The following DCAKD variants were observed in gnomAD, a reference collection of about 807,000 sequenced individuals.
DCAKD encodes the protein dephospho-CoA kinase domain-containing protein.
In DCAKD, 15 loss-of-function variants were observed where a neutral mutation model predicts 18.7. The ratio of observed to expected loss-of-function variants is 0.80; its 90% CI spans 0.54 to 1.24. The LOEUF (loss-of-function observed/expected upper bound fraction) is 1.24, where lower values mean the gene tolerates loss of function less well. Among genes scored for constraint, DCAKD ranks in the 50% most tolerant of loss-of-function variants. The probability of loss-of-function intolerance (pLI) is 0.00; values close to 1 mark genes in which losing one functional copy is unlikely to be tolerated. For synonymous variants in DCAKD, 130 were observed against 133.0 expected, an observed-to-expected ratio of 0.98 and a Z score of 0.16; for missense variants, 301 against 322.0, an observed-to-expected ratio of 0.93 and a Z score of 0.50.
intron 1 of DCAKD, among the ~76,000 whole-genome samples, chr17:45,046,748 C>A (rs2053580266): frequency 6.6e-6 from 1 of 151,832 alleles, no homozygotes; most frequent in Non-Finnish European, 1.5e-5. Flanking sequence ...AGAGTTTCAG[C>A]GTCATAAATT....
chr17:45,032,751 C>G (rs1463991562), intron 3 of DCAKD, among the ~76,000 whole-genome samples: 1 of 123,416 alleles, frequency 8.1e-6, no homozygotes, highest in Admixed American at 7.7e-5. Flanking sequence ...CCACTGCACT[C>G]CAGCCTGGTG....
At chr17:45,043,971 A>C (rs2053502718) in intron 1 of DCAKD, among the ~76,000 whole-genome samples, 1 of 152,110 alleles carries the variant, frequency 6.6e-6, no homozygotes, top group Admixed American at 6.6e-5. Context: ...TCGCTGCGGA[A>C]GCCCTGCAGC....
chr17:45,026,612 C>T (rs2053061752), intron 4 of DCAKD: 1 of 985,278 alleles, frequency 1.0e-6, no homozygotes, highest in Admixed American at 6.2e-5. Context: ...ATCCTCCCAC[C>T]TTGGCAGTTT....
chr17:45,054,662 T>C (rs1019163348), upstream of DCAKD, among the ~76,000 whole-genome samples: 4 of 152,180 alleles, frequency 2.6e-5, no homozygotes, highest in Non-Finnish European at 5.9e-5. Context: ...TTCTATTTTA[T>C]AGAGCCAGAT....
At chr17:45,060,989 C>T in exon 1 of DCAKD, 3 of 1,054,028 alleles carry the variant, frequency 2.8e-6, no homozygotes, top group African/African-American at 1.7e-5. Flanking sequence ...TTGGAACCTC[C>T]ACGCCTGAAA....
chr17:45,060,684 T>TTA (rs1477493267), intron 1 of DCAKD, among the ~76,000 whole-genome samples: 1 of 152,184 alleles, frequency 6.6e-6, no homozygotes, highest in East Asian at 1.9e-4. Context: ...GTCTCCTGGC[T>TTA]TAGGGTCAGT....
chr17:45,039,281 C>T (rs886762277), intron 1 of DCAKD, among the ~76,000 whole-genome samples: 5 of 152,210 alleles, frequency 3.3e-5, no homozygotes, highest in Non-Finnish European at 5.9e-5. Context: ...CACCTTTGAT[C>T]ACCTGTGTTC....
chr17:45,054,175 C>T (rs2053756041), upstream of DCAKD: 2 of 517,518 alleles, frequency 3.9e-6, no homozygotes, highest in Non-Finnish European at 7.7e-6. Context: ...ATTTGAATCT[C>T]TTCCACATTA....
rs1273506892 is a variant in DCAKD, at chr17:45,050,277, C to T, written c.-115+1084G>A. Among the ~76,000 whole-genome samples the T allele has an allele frequency of 2.6e-5, 4 of 151,944 alleles. 1 individual carries two copies. The highest frequency in any genetic ancestry group is 9.7e-5 in the African/African-American group (4 of 41,318). ...CAGGCTGGTCTCGAACTCCTAACCT[C>T]GGGTGATCCACCCTCCTCAACCTAC... On this transcript the variant is annotated intron_variant, in intron 1 of 4. Transcript: ENST00000651974.
chr17:45,031,061 G>A (rs1453566599), intron 3 of DCAKD: 1 of 985,316 alleles, frequency 1.0e-6, no homozygotes, highest in Non-Finnish European at 1.2e-6. Context: ...AGAAGGGTAA[G>A]AGATAGGAAA....
intron 1 of DCAKD, among the ~76,000 whole-genome samples, chr17:45,044,689 CAATAAATAAATAAATAAATA>C (rs143312640): frequency 0.21 from 30,508 of 147,120 alleles, 3,516 homozygotes; most frequent in Admixed American, 0.3. Flanking sequence ...GAGACTCCAT[CAATAAATAAATAAATAAATA>C]AATAAATAAA....
At chr17:45,059,825 G>A (rs2053828691) in intron 1 of DCAKD, among the ~76,000 whole-genome samples, 1 of 152,130 alleles carries the variant, frequency 6.6e-6, no homozygotes, top group Non-Finnish European at 1.5e-5. Flanking sequence ...GGTCAATATG[G>A]CCAGGTACGG....
chr17:45,060,652 G>A (rs1362514190), intron 1 of DCAKD, among the ~76,000 whole-genome samples: 1 of 152,274 alleles, frequency 6.6e-6, no homozygotes, highest in Non-Finnish European at 1.5e-5. Context: ...GAGGCGGCGA[G>A]CCCTGCCTCC....
chr17:45,046,760 C>T (rs890629520), intron 1 of DCAKD, among the ~76,000 whole-genome samples: 3 of 151,980 alleles, frequency 2.0e-5, no homozygotes, highest in African/African-American at 7.3e-5. Flanking sequence ...TCATAAATTT[C>T]CAACTCAATT....
At chr17:45,041,866 C>T (rs2053445077) in intron 1 of DCAKD, among the ~76,000 whole-genome samples, 1 of 151,858 alleles carries the variant, frequency 6.6e-6, no homozygotes, top group Non-Finnish European at 1.5e-5. Flanking sequence ...CGCCTGCAAT[C>T]GCAGCACTTT....
Position 45,038,201 on chromosome 17 carries a change from C to T in DCAKD, c.-114-3202G>A, listed in dbSNP as rs192225981. On this transcript the variant is annotated intron_variant, in intron 1 of 4. Transcript: ENST00000651974. ...AAGAGATTGTCCTGCCTCAGCCTCC[C>T]GAGTAGCTAGGATTACAGGTATGCA... is the stretch of plus-strand genomic sequence containing the variant. Among the ~76,000 whole-genome samples, 396 of 152,024 alleles carry T rather than the reference C, an allele frequency of 2.6e-3. 3 individuals carry two copies. The highest frequency in any genetic ancestry group is 9.2e-3 in the African/African-American group (381 of 41,456).
At chr17:45,027,345 T>G (rs1182681196) in intron 4 of DCAKD, among the ~76,000 whole-genome samples, 1 of 152,206 alleles carries the variant, frequency 6.6e-6, no homozygotes, top group Non-Finnish European at 1.5e-5. Context: ...GAAACCAGCA[T>G]GAAATCATGT....
chr17:45,052,074 G>C (rs1321835853), upstream of DCAKD, among the ~76,000 whole-genome samples: 1 of 129,430 alleles, frequency 7.7e-6, no homozygotes, highest in Non-Finnish European at 1.6e-5. Context: ...GGAGAGGTTG[G>C]GCGGGAGAGG....
At chr17:45,048,855 G>C (rs1179994177) in intron 1 of DCAKD, among the ~76,000 whole-genome samples, 1 of 150,986 alleles carries the variant, frequency 6.6e-6, no homozygotes, top group Non-Finnish European at 1.5e-5. Context: ...GCAGCACAAG[G>C]GCTGTTCTGC....
Sources: gnomAD v4.1 joint callset for allele counts (sites outside exome capture counted in the v4.1 genomes callset) on GRCh38, gnomAD v4.1.1 for gene constraint, MANE v1.5 for transcripts, NCBI Gene and HGNC (gene_info 2026-07-23, HGNC 2026-07-21) for gene names.